TMEM222: variants seen among roughly 807,000 people sequenced by gnomAD.
The protein encoded by TMEM222 is transmembrane protein 222.
In TMEM222, 18 loss-of-function variants were observed where a neutral mutation model predicts 25.1. The observed-to-expected ratio is 0.72, with a 90% confidence interval of 0.50 to 1.06. The LOEUF (loss-of-function observed/expected upper bound fraction) is 1.06, where lower values mean the gene tolerates loss of function less well. TMEM222 is among the 50% of genes least tolerant of loss of function. TMEM222 has a pLI of 0.00. For synonymous variants in TMEM222, 131 were observed against 117.9 expected (o/e 1.11, Z -0.72); for missense variants, 296 against 293.7 (o/e 1.01, Z -0.06).
chr1:27,325,695 G>A (rs1421353422), intron 1 of TMEM222: 15 of 841,078 alleles, frequency 1.8e-5, no homozygotes, highest in Non-Finnish European at 2.5e-5. Context: ...GTGGATCAGC[G>A]GCTCCATCCT....
intron 5 of TMEM222, chr1:27,334,731 GC>G: frequency 7.8e-7 from 1 of 1,284,092 alleles, no homozygotes; most frequent in Non-Finnish European, 1.0e-6. Context: ...ACACAGCAGA[GC>G]CCAGACTCGT....
intron 1 of TMEM222, among the ~76,000 whole-genome samples, chr1:27,326,334 G>T (rs997698609): frequency 2.0e-5 from 3 of 152,102 alleles, no homozygotes; most frequent in Non-Finnish European, 4.4e-5. Context: ...GACTTGCTTT[G>T]AGTTGGAAGC....
chr1:27,334,405 G>T, intron 5 of TMEM222, 124 bp downstream of exon 5: 1 of 1,468,962 alleles, frequency 6.8e-7, no homozygotes, highest in Admixed American at 2.0e-5. Context: ...GCCAGTTGGA[G>T]CCGTGGTGGT....
At chr1:27,327,744 A>C (rs1020603614) in intron 1 of TMEM222, among the ~76,000 whole-genome samples, 7 of 151,938 alleles carry the variant, frequency 4.6e-5, no homozygotes, top group African/African-American at 7.3e-5. Context: ...TACAGCCTCA[A>C]CTTCCTTGGA....
rs1406550086 is a variant in TMEM222, at chr1:27,334,130, CA to C, written c.409-20del. ...AGGCTCCCCTGCAGCCCATCCTGAC[CA>C]GCCCTTCTGGTGCCTCCAGCACAAT... On this transcript the variant is annotated intron_variant, in intron 4 of 5. Transcript: ENST00000374076. 1 of 1,614,098 alleles carries C rather than the reference CA, an allele frequency of 6.2e-7. No homozygotes were observed. The highest frequency in any genetic ancestry group is 8.5e-7 in the Non-Finnish European group (1 of 1,179,980).
intron 5 of TMEM222, 182 bp downstream of exon 5, chr1:27,334,463 T>C: frequency 1.6e-6 from 2 of 1,264,106 alleles, no homozygotes; most frequent in South Asian, 1.6e-5. Context: ...GTGGCTGTGC[T>C]GAAGTCCAGC....
intron 3 of TMEM222, chr1:27,333,079 G>A: frequency 3.0e-6 from 1 of 334,498 alleles, no homozygotes; most frequent in South Asian, 2.4e-5. Context: ...CAGCTTCCCT[G>A]CCACTCACCC....
intron 5 of TMEM222, chr1:27,334,670 C>T: frequency 7.1e-7 from 1 of 1,408,518 alleles, no homozygotes; most frequent in Non-Finnish European, 9.4e-7. Flanking sequence ...CCCACAGGTC[C>T]CTTCCTAGGC....
intron 3 of TMEM222, chr1:27,332,574 G>A: frequency 1.4e-6 from 1 of 714,168 alleles, no homozygotes; most frequent in South Asian, 1.5e-5. Context: ...AGCTATTGCT[G>A]GTTTGGTTTG....
At chr1:27,331,649 G>A (rs1035236997) in intron 2 of TMEM222, among the ~76,000 whole-genome samples, 4 of 152,222 alleles carry the variant, frequency 2.6e-5, no homozygotes, top group South Asian at 2.1e-4. Context: ...ACTGCTGGGC[G>A]AGGAGATGGT....
At chr1:27,328,829 C>T (rs903721567) in intron 1 of TMEM222, among the ~76,000 whole-genome samples, 11 of 152,156 alleles carry the variant, frequency 7.2e-5, no homozygotes, top group South Asian at 2.1e-4. Context: ...TTTTAAACTG[C>T]GTCTCTGGAG....
At chr1:27,323,314 C>T (rs528874933) in intron 1 of TMEM222, among the ~76,000 whole-genome samples, 103 of 152,334 alleles carry the variant, frequency 6.8e-4, no homozygotes, top group African/African-American at 2.1e-3. Flanking sequence ...GATGGGATAG[C>T]TTGTTCCGCT....
rs750967920 is a variant in TMEM222, at chr1:27,322,291, A to G, written c.94A>G (p.Thr32Ala). ...AGTGGAGGCGCCGACGGCGGCCGAG[A>G]CGGACATGAAGCAATATCAAGGCTC... ...AEVEAPTAAE[T>A]DMKQYQGSGG... Residue 32 changes from threonine to alanine, a missense_variant, in exon 1 of 6, where the codon ACG becomes GCG. Physicochemically the swap from Thr to Ala is moderately conservative, Grantham distance 58 (BLOSUM62 0). Transcript: ENST00000374076. 2.9e-5 allele frequency: 46 copies of G among 1,561,480 alleles called. No homozygotes were observed. In the Middle Eastern group the frequency reaches 5.1e-4, roughly 17 times the overall value.
rs750113866 is a variant in TMEM222, at chr1:27,334,196, C to G, written c.454C>G (p.Leu152Val). The G allele has an allele frequency of 6.2e-7, 1 of 1,614,186 alleles. No homozygotes were observed. The highest frequency in any genetic ancestry group is 1.1e-5 in the South Asian group (1 of 91,088). The change falls in exon 5 of 6, where the codon CTG (leucine) becomes GTG (valine). Residue 152 changes from leucine (L) to valine (V), a missense_variant. Transcript: ENST00000374076. ...CTGCCACTCGCACGTGGCATTGGCC[C>G]TGAATCTGATGCGCTACAACAACAG... is the stretch of plus-strand genomic sequence containing the variant. Reference protein sequence around the residue: ...DNCHSHVALALNLMRYNNSTN... With the variant: ...DNCHSHVALAVNLMRYNNSTN...
intron 1 of TMEM222, among the ~76,000 whole-genome samples, chr1:27,327,713 C>T (rs955146061): frequency 6.6e-6 from 1 of 152,022 alleles, no homozygotes; most frequent in Non-Finnish European, 1.5e-5. Context: ...CCTCAACTTC[C>T]TGGGCCCAGC....
chr1:27,330,337 C>T (rs1355729512), intron 1 of TMEM222, among the ~76,000 whole-genome samples: 1 of 151,596 alleles, frequency 6.6e-6, no homozygotes, highest in Non-Finnish European at 1.5e-5. Context: ...GCGGAGGTTG[C>T]AGTGAGCCAA....
In TMEM222 at chr1:27,322,286, C is replaced by T. The variant is rs2014219490; in HGVS notation, c.89C>T (p.Ala30Val). 2 of 1,555,238 alleles carry T rather than the reference C, an allele frequency of 1.3e-6. No individual in the cohort carries two copies. The highest frequency in any genetic ancestry group is 1.7e-6 in the Non-Finnish European group (2 of 1,148,444). The change falls in exon 1 of 6, where the codon GCC (alanine) becomes GTC (valine). Residue 30 changes from alanine (A) to valine (V), a missense_variant. Physicochemically the swap from Ala to Val is moderately conservative, Grantham distance 64 (BLOSUM62 0). Transcript: ENST00000374076. ...GCGGAAGTGGAGGCGCCGACGGCGG[C>T]CGAGACGGACATGAAGCAATATCAA... The part of the protein sequence containing the change: ...RMAEVEAPTA[A>V]ETDMKQYQGS...
At chr1:27,333,613 A>G (rs1028526492) in intron 3 of TMEM222, 34 of 402,240 alleles carry the variant, frequency 8.5e-5, no homozygotes, top group Non-Finnish European at 9.7e-6. Flanking sequence ...CACGGATCCC[A>G]TTCATGAGAG....
chr1:27,332,210 T>C (rs2014499052), intron 3 of TMEM222, 109 bp downstream of exon 3: 13 of 1,374,970 alleles, frequency 9.5e-6, no homozygotes, highest in African/African-American at 1.4e-5. Flanking sequence ...AATAGAGTAT[T>C]TGGGGTCGGG....
Sources: allele counts gnomAD v4.1 joint callset (sites outside exome capture counted in the v4.1 genomes callset), GRCh38; gene constraint gnomAD v4.1.1; transcripts MANE v1.5; gene names NCBI Gene and HGNC (gene_info 2026-07-23, HGNC 2026-07-21).